The following PTCHD4 variants were observed in gnomAD, a reference collection of about 807,000 sequenced individuals.
The protein encoded by PTCHD4 is patched domain containing 4.
PTCHD4 carries 33 observed loss-of-function variants against 58.1 expected under a neutral mutation model. The ratio of observed to expected loss-of-function variants is 0.57; its 90% CI spans 0.43 to 0.76. The LOEUF (loss-of-function observed/expected upper bound fraction) is 0.76, where lower values mean the gene tolerates loss of function less well. Among genes scored for constraint, PTCHD4 ranks in the 30% least tolerant of loss-of-function variants. The pLI is 0.00. For synonymous variants in PTCHD4, 478 were observed against 409.6 expected, an observed-to-expected ratio of 1.17 and a Z score of -2.02; for missense variants, 1,058 against 1,027.1, an observed-to-expected ratio of 1.03 and a Z score of -0.41.
intron 1 of PTCHD4, among the ~76,000 whole-genome samples, chr6:48,101,799 G>C (rs922164277): frequency 2.6e-5 from 4 of 152,100 alleles, no homozygotes; most frequent in African/African-American, 9.7e-5. Flanking sequence ...AAGCTGATTG[G>C]CTTCCCCTCT....
chr6:47,909,998 T>A (rs1465098004), intron 4 of PTCHD4, among the ~76,000 whole-genome samples: 2 of 152,178 alleles, frequency 1.3e-5, no homozygotes, highest in Non-Finnish European at 2.9e-5. Context: ...TAGCTGCTTT[T>A]AGGAGGTCAT....
intron 3 of PTCHD4, among the ~76,000 whole-genome samples, chr6:48,066,099 CTT>C (rs1554178100): frequency 1.8e-4 from 23 of 131,158 alleles, no homozygotes; most frequent in Middle Eastern, 3.8e-3. Flanking sequence ...CTGACATCTA[CTT>C]TTTTTTTTTT....
chr6:47,896,997 C>T, intron 4 of PTCHD4, among the ~76,000 whole-genome samples: 1 of 152,122 alleles, frequency 6.6e-6, no homozygotes. Flanking sequence ...TATGTCAGTA[C>T]CTGGCACTCA....
intron 3 of PTCHD4, among the ~76,000 whole-genome samples, chr6:48,017,594 C>T (rs1265536869): frequency 2.0e-5 from 3 of 152,156 alleles, no homozygotes; most frequent in East Asian, 3.8e-4. Context: ...AGAATCAGTT[C>T]TAAGACATAA....
chr6:47,988,922 C>A (rs1768178709), intron 4 of PTCHD4, among the ~76,000 whole-genome samples: 1 of 152,132 alleles, frequency 6.6e-6, no homozygotes, highest in Non-Finnish European at 1.5e-5. Context: ...GGGTAACAGG[C>A]AGAGGTTGGA....
chr6:47,904,697 A>G (rs1764820664), intron 4 of PTCHD4, among the ~76,000 whole-genome samples: 1 of 152,230 alleles, frequency 6.6e-6, no homozygotes, highest in Admixed American at 6.5e-5. Context: ...AAATATGATT[A>G]GTCTTTTAAT....
chr6:48,038,762 C>G (rs1417566327), intron 3 of PTCHD4, among the ~76,000 whole-genome samples: 3 of 150,418 alleles, frequency 2.0e-5, no homozygotes, highest in African/African-American at 7.4e-5. Context: ...AAGAAATTAA[C>G]ACAAGAGACT....
At position 47,876,169 on chromosome 6, in the gene PTCHD4, C is replaced by G. The variant is rs377302296; in HGVS notation, c.*2134G>C. Among the ~76,000 whole-genome samples the G allele has an allele frequency of 6.6e-6, 1 of 151,738 alleles. No individual in the cohort carries two copies. The highest frequency in any genetic ancestry group is 2.4e-5 in the African/African-American group (1 of 41,340). On this transcript the variant is annotated 3_prime_UTR_variant, in exon 5 of 5. Transcript: ENST00000339488. Reference sequence around the variant, plus strand: ...ATGAGATCATGGTCTGGAGGCTACTCGTACCAAATACCAGTTCATTCTAGT... The same window carrying G: ...ATGAGATCATGGTCTGGAGGCTACTGGTACCAAATACCAGTTCATTCTAGT...
At chr6:47,937,421 G>A (rs1391494706) in intron 4 of PTCHD4, among the ~76,000 whole-genome samples, 1 of 152,182 alleles carries the variant, frequency 6.6e-6, no homozygotes. Context: ...AGGAAAGAGA[G>A]CTGGTAAGGA....
rs1172096207 is a variant in PTCHD4 at position 47,901,593 on chromosome 6, C to A, written c.899-21657G>T. 2.8e-6 allele frequency: 3 copies of A among 1,054,264 alleles called. No homozygotes were observed. The Admixed American group carries it at 1.4e-4, about 51-fold the overall frequency. The allele number at this position is 1,054,264 out of a possible 1,614,324, so 65.3% of individuals were successfully genotyped here. On this transcript the variant is annotated intron_variant, in intron 4 of 4. Transcript: ENST00000339488. ...ATATGATTTAAACCAATTTAGTTTC[C>A]CATGAGAGGAGTCAGGTGGGAGATA...
At chr6:48,019,069 C>A (rs1463123179) in intron 3 of PTCHD4, among the ~76,000 whole-genome samples, 2 of 152,178 alleles carry the variant, frequency 1.3e-5, no homozygotes, top group Non-Finnish European at 2.9e-5. Flanking sequence ...GGAGGCAAAA[C>A]TCAGAGTAGA....
In PTCHD4 at chr6:47,867,618, G is replaced by A. The variant is rs1763605320; in HGVS notation, c.*10685C>T. Among the ~76,000 whole-genome samples, 1 of 151,672 alleles carries A rather than the reference G, an allele frequency of 6.6e-6. No homozygotes were observed. Among genetic ancestry groups the A allele is most frequent in the Non-Finnish European group, 1.5e-5 (1 of 67,816 alleles). ...CTTCTGGGTTGCTATCATCTCATCT[G>A]TTATAGCCTTCATCCTGGACAACCT... On this transcript the variant is annotated 3_prime_UTR_variant, in exon 5 of 5. Coordinates refer to ENST00000339488, the MANE Select transcript of PTCHD4 (RefSeq NM_001384253.1).
At chr6:48,013,358 A>G (rs751250029) in intron 3 of PTCHD4, among the ~76,000 whole-genome samples, 2 of 142,792 alleles carry the variant, frequency 1.4e-5, no homozygotes, top group Non-Finnish European at 3.0e-5. Flanking sequence ...GAACAATCCA[A>G]TAAGAATTTC....
At position 47,864,177 on chromosome 6, in the gene PTCHD4, G is replaced by A. The variant is rs563114996; in HGVS notation, c.*14126C>T. On this transcript the variant is annotated 3_prime_UTR_variant, in exon 5 of 5. Transcript: ENST00000339488. ...ATGTAAATTTTCAGGCCTCACTCCA[G>A]ATCTATTGAATCAGAACCTCTGGAG... Among the ~76,000 whole-genome samples, 146 of 151,992 alleles carry A rather than the reference G, an allele frequency of 9.6e-4. No individual in the cohort carries two copies. The highest frequency in any genetic ancestry group is 3.4e-3 in the African/African-American group (140 of 41,514).
In PTCHD4 at chr6:47,878,668, T is replaced by C. The variant is rs768863744; in HGVS notation, c.2167A>G (p.Ile723Val). 1.2e-6 allele frequency: 2 copies of C among 1,613,606 alleles called. No homozygotes were observed. The highest frequency in any genetic ancestry group is 8.5e-7 in the Non-Finnish European group (1 of 1,179,762). The change falls in exon 5 of 5, where the codon ATT becomes GTT. Residue 723 changes from isoleucine to valine, a missense_variant. Transcript: ENST00000339488. Reference sequence around the variant, plus strand: ...AAAAGCAGTGGTGCACAGTGGTCAATGGCGAAATTCAAGGTGTAGATAAGG... The same window carrying C: ...AAAAGCAGTGGTGCACAGTGGTCAACGGCGAAATTCAAGGTGTAGATAAGG... ...LCLIYTLNFA[I>V]DHCAPLLFTF...
chr6:47,944,244 T>C (rs574663978), intron 4 of PTCHD4, among the ~76,000 whole-genome samples: 59 of 152,234 alleles, frequency 3.9e-4, no homozygotes, highest in African/African-American at 1.2e-3. Flanking sequence ...CTGCCTACAA[T>C]TGCACGATTA....
chr6:47,879,566 C>G lies in PTCHD4; in HGVS notation c.1269G>C (p.Met423Ile), dbSNP rs1379147135. ...GGGACGTCTGTTGATGCCCATCACT[C>G]ATCACTGTCTGGAACCACACAGGTT... ...DRKPVWFQTV[M>I]SDGHQQTSHH... Residue 423 changes from methionine to isoleucine, a missense_variant, in exon 5 of 5, where the codon ATG becomes ATC. By Grantham distance (10) the Met-to-Ile change is conservative. Transcript: ENST00000339488. 6.8e-6 allele frequency: 11 copies of G among 1,613,770 alleles called. No homozygotes were observed. The South Asian group carries it at 1.2e-4, about 18-fold the overall frequency.
intron 4 of PTCHD4, among the ~76,000 whole-genome samples, chr6:47,892,631 T>C (rs1764414505): frequency 6.6e-6 from 1 of 152,192 alleles, no homozygotes; most frequent in Non-Finnish European, 1.5e-5. Flanking sequence ...TCTGATTCAA[T>C]CATTAGGATG....
At chr6:48,047,454 T>C (rs1450160218) in intron 3 of PTCHD4, among the ~76,000 whole-genome samples, 1 of 151,856 alleles carries the variant, frequency 6.6e-6, no homozygotes, top group African/African-American at 2.4e-5. Context: ...GTTTATGTCT[T>C]ATAGAGTCAA....
Sources: allele counts gnomAD v4.1 joint callset (sites outside exome capture counted in the v4.1 genomes callset), GRCh38; gene constraint gnomAD v4.1.1; transcripts MANE v1.5; gene names NCBI Gene and HGNC (gene_info 2026-07-23, HGNC 2026-07-21).